Variants in PDE4B observed in about 807,000 individuals in gnomAD.
PDE4B encodes phosphodiesterase 4B, also known as 3',5'-cyclic-AMP phosphodiesterase 4B.
PDE4B carries 20 observed loss-of-function variants against 82.2 expected under a neutral mutation model. The observed-to-expected ratio is 0.24, with a 90% confidence interval of 0.17 to 0.35. The LOEUF (loss-of-function observed/expected upper bound fraction) is 0.35, where lower values mean the gene tolerates loss of function less well. Among genes scored for constraint, PDE4B ranks in the 10% least tolerant of loss-of-function variants. PDE4B has a pLI of 1.00. For missense variants in PDE4B, 655 were observed against 907.2 expected (o/e 0.72, Z 3.57); for synonymous variants, 320 against 318.9 (o/e 1.00, Z -0.04).
At chr1:66,133,072 C>G (rs1645984501) in intron 3 of PDE4B, among the ~76,000 whole-genome samples, 1 of 152,144 alleles carries the variant, frequency 6.6e-6, no homozygotes, top group Non-Finnish European at 1.5e-5. Context: ...CAGCAATCTC[C>G]TCCAATGTTG....
intron 8 of PDE4B, among the ~76,000 whole-genome samples, chr1:66,346,569 T>A (rs956241143): frequency 6.6e-6 from 1 of 152,192 alleles, no homozygotes; most frequent in African/African-American, 2.4e-5. Flanking sequence ...AATCTAAATG[T>A]CAACCAGAGA....
At chr1:65,793,450 C>T (rs2101140194) in intron 1 of PDE4B, among the ~76,000 whole-genome samples, 1 of 152,320 alleles carries the variant, frequency 6.6e-6, no homozygotes, top group Non-Finnish European at 1.5e-5. Flanking sequence ...CCTAGCCTTT[C>T]GCCCTCATCT....
At chr1:66,005,351 T>C (rs1652092953) in intron 3 of PDE4B, among the ~76,000 whole-genome samples, 1 of 152,110 alleles carries the variant, frequency 6.6e-6, no homozygotes, top group Non-Finnish European at 1.5e-5. Flanking sequence ...TATAATGAAG[T>C]GAAAGTTGCC....
intron 3 of PDE4B, among the ~76,000 whole-genome samples, chr1:66,161,093 AT>A (rs1557601872): frequency 6.6e-6 from 1 of 152,138 alleles, no homozygotes; most frequent in Admixed American, 6.6e-5. Context: ...ACAACCCTAA[AT>A]CTTGAAAACG....
intron 3 of PDE4B, among the ~76,000 whole-genome samples, chr1:66,021,314 A>G (rs1056014330): frequency 1.5e-4 from 23 of 152,110 alleles, no homozygotes; most frequent in African/African-American, 5.6e-4. Context: ...GATGCTCTTT[A>G]GTTTAATTAG....
intron 1 of PDE4B, among the ~76,000 whole-genome samples, chr1:65,875,336 CTT>C (rs1553194376): frequency 6.7e-6 from 1 of 149,256 alleles, no homozygotes; most frequent in Non-Finnish European, 1.5e-5. Context: ...AGTAGGAACA[CTT>C]TTACACTGTT....
rs1408813024 is a variant in PDE4B at position 66,361,651 on chromosome 1, A to C, written c.878A>C (p.Gln293Pro). The stretch of plus-strand genomic sequence containing the variant: ...GATGTGGAGATCCCATCTCCTACCC[A>C]GAAAGACAGGGAGAAAAAGAAAAAG... ...QNDVEIPSPT[Q>P]KDREKKKKQQ... Residue 293 changes from glutamine (Q) to proline (P), a missense_variant, in exon 10 of 17, where the codon CAG (glutamine) becomes CCG (proline). This residue lies in a region of PDE4B where 283 missense variants were observed against 516.4 expected (regional missense o/e 0.55). Transcript: ENST00000341517. 6.2e-7 allele frequency: 1 copy of C among 1,613,470 alleles called. No homozygotes were observed. The highest frequency in any genetic ancestry group is 1.1e-5 in the South Asian group (1 of 91,064).
intron 1 of PDE4B, among the ~76,000 whole-genome samples, chr1:65,818,685 C>CACATATAT (rs141035147): frequency 2.6e-4 from 37 of 143,778 alleles, no homozygotes; most frequent in South Asian, 1.8e-3. Context: ...CACACACACA[C>CACATATAT]ATATATATAT....
At chr1:66,096,373 G>A (rs79529753) in intron 3 of PDE4B, among the ~76,000 whole-genome samples, 6,135 of 150,792 alleles carry the variant, frequency 0.041, 149 homozygotes, top group East Asian at 0.081. Flanking sequence ...TATGAGTTTC[G>A]ACAAATGCAT....
intron 7 of PDE4B, among the ~76,000 whole-genome samples, chr1:66,315,779 A>G (rs186805303): frequency 4.2e-4 from 64 of 152,240 alleles, no homozygotes; most frequent in African/African-American, 1.4e-3. Context: ...AGTCCTTACC[A>G]TTAGCAACTT....
chr1:66,324,965 A>G (rs1659642383), intron 7 of PDE4B, among the ~76,000 whole-genome samples: 1 of 152,196 alleles, frequency 6.6e-6, no homozygotes, highest in Admixed American at 6.5e-5. Flanking sequence ...AAGAAAAATT[A>G]TATCTAACTC....
chr1:66,292,706 A>G (rs1657174614), intron 7 of PDE4B, among the ~76,000 whole-genome samples: 1 of 152,168 alleles, frequency 6.6e-6, no homozygotes, highest in Non-Finnish European at 1.5e-5. Context: ...ACCTGCCTAC[A>G]TATCGTACAC....
At chr1:66,271,937 C>T (rs117487474) in intron 7 of PDE4B, among the ~76,000 whole-genome samples, 4 of 152,352 alleles carry the variant, frequency 2.6e-5, no homozygotes, top group East Asian at 1.9e-4. Context: ...GCCATCCCTG[C>T]GTGGCATGTC....
chr1:65,838,349 A>G (rs1391862899), intron 1 of PDE4B, among the ~76,000 whole-genome samples: 2 of 152,018 alleles, frequency 1.3e-5, no homozygotes, highest in Non-Finnish European at 2.9e-5. Flanking sequence ...ATGTGGAAAT[A>G]AAAACTATAG....
chr1:66,251,860 A>G (rs572416529), intron 4 of PDE4B, among the ~76,000 whole-genome samples: 10 of 152,352 alleles, frequency 6.6e-5, no homozygotes, highest in African/African-American at 2.2e-4. Context: ...TGAAGGGCCT[A>G]TGTTAAGGAA....
At chr1:66,306,174 T>G (rs1658261440) in intron 7 of PDE4B, among the ~76,000 whole-genome samples, 1 of 152,142 alleles carries the variant, frequency 6.6e-6, no homozygotes, top group African/African-American at 2.4e-5. Context: ...AGCTAAATGA[T>G]AAGAGCATGA....
intron 3 of PDE4B, among the ~76,000 whole-genome samples, chr1:66,205,111 C>A (rs1291447115): frequency 2.0e-5 from 3 of 152,160 alleles, no homozygotes; most frequent in Non-Finnish European, 4.4e-5. Flanking sequence ...AAAACTTAAG[C>A]ATTATACTCT....
intron 4 of PDE4B, among the ~76,000 whole-genome samples, chr1:66,256,583 T>C (rs1654248079): frequency 1.3e-5 from 2 of 152,140 alleles, no homozygotes; most frequent in African/African-American, 2.4e-5. Context: ...AAGTATCATA[T>C]TAAATAAGAT....
At chr1:65,882,677 AAT>A (rs965058154) in intron 1 of PDE4B, among the ~76,000 whole-genome samples, 41 of 43,532 alleles carry the variant, frequency 9.4e-4, no homozygotes, top group African/African-American at 2.5e-3. Flanking sequence ...CTATTTGAAA[AAT>A]ATGTGTGTGT....
Sources: gnomAD v4.1 joint callset for allele counts (sites outside exome capture counted in the v4.1 genomes callset) on GRCh38, gnomAD v4.1.1 for gene constraint, gnomAD v4.1.1 regional missense constraint, MANE v1.5 for transcripts, NCBI Gene and HGNC (gene_info 2026-07-23, HGNC 2026-07-21) for gene names.